The following TLL2 variants were observed in gnomAD, a reference collection of about 807,000 sequenced individuals.
TLL2 encodes the protein tolloid like 2.
TLL2 carries 106 observed loss-of-function variants against 123.0 expected under a neutral mutation model. The observed-to-expected ratio is 0.86, with a 90% CI of 0.74 to 1.01. The LOEUF (loss-of-function observed/expected upper bound fraction) is 1.01. TLL2 is among the 50% of genes least tolerant of loss of function. TLL2 has a pLI of 0.00. For missense variants in TLL2, 1,332 were observed against 1,336.7 expected, an observed-to-expected ratio of 1.00 and a Z score of 0.06; for synonymous variants, 494 against 516.8, an observed-to-expected ratio of 0.96 and a Z score of 0.60.
At chr10:96,478,147 T>C (rs1847278270) in intron 2 of TLL2, among the ~76,000 whole-genome samples, 1 of 152,180 alleles carries the variant, frequency 6.6e-6, no homozygotes, top group Non-Finnish European at 1.5e-5. Flanking sequence ...AGCAGCCGGG[T>C]ATGCAGCTGG....
At chr10:96,428,791 T>C (rs142929794) in intron 4 of TLL2, 43 bp from the exon 5 acceptor site, 11 of 1,312,810 alleles carry the variant, frequency 8.4e-6, no homozygotes, top group African/African-American at 6.0e-5. Context: ...GATGGGTCCA[T>C]ATTTTCTTTA....
chr10:96,421,754 T>C (rs1365144289), intron 6 of TLL2, among the ~76,000 whole-genome samples: 1 of 150,630 alleles, frequency 6.6e-6, no homozygotes, highest in Non-Finnish European at 1.5e-5. Flanking sequence ...GGAGAATCCC[T>C]TGAACCCAGG....
rs762545708 is a variant in TLL2, at chr10:96,395,371, G to A, written c.1542C>T (p.His514=). 5 of 1,590,164 alleles carry A rather than the reference G, an allele frequency of 3.1e-6. No homozygotes were observed. The highest frequency in any genetic ancestry group is 4.3e-6 in the Non-Finnish European group (5 of 1,168,230). The part of the protein sequence containing the change: ...LTFQAFEIER[H]DSCAYDYLEV... ...CCAGGTAGTCATATGCACAGCTGTC[G>A]TGCCTTTCAATCTAAAGGAAGAAAC... Residue 514 remains histidine, a synonymous_variant, in exon 13 of 21, where the codon CAC becomes CAT. Coordinates refer to ENST00000357947, the MANE Select transcript of TLL2 (RefSeq NM_012465.4).
intron 1 of TLL2, among the ~76,000 whole-genome samples, chr10:96,498,207 C>T (rs1463652176): frequency 6.6e-6 from 1 of 152,128 alleles, no homozygotes; most frequent in East Asian, 1.9e-4. Flanking sequence ...GACCCTAAGT[C>T]GCAGAGGATG....
chr10:96,452,394 G>A (rs1846969614), intron 2 of TLL2, among the ~76,000 whole-genome samples: 1 of 152,158 alleles, frequency 6.6e-6, no homozygotes, highest in African/African-American at 2.4e-5. Context: ...GCTGGAGCTG[G>A]GGCTGGCGAG....
intron 19 of TLL2, among the ~76,000 whole-genome samples, chr10:96,372,129 G>T (rs1162478227): frequency 2.0e-5 from 3 of 152,186 alleles, no homozygotes; most frequent in South Asian, 2.1e-4. Flanking sequence ...GTCTCTATCT[G>T]CAGGGACAAG....
At chr10:96,436,614 C>A (rs1454609749) in intron 3 of TLL2, among the ~76,000 whole-genome samples, 1 of 152,012 alleles carries the variant, frequency 6.6e-6, no homozygotes, top group Non-Finnish European at 1.5e-5. Flanking sequence ...TTTCTTTTAT[C>A]ATTAATAATC....
intron 11 of TLL2, among the ~76,000 whole-genome samples, chr10:96,396,870 A>G (rs1327631030): frequency 6.6e-6 from 1 of 152,198 alleles, no homozygotes; most frequent in African/African-American, 2.4e-5. Context: ...AGAGGCTGCT[A>G]TCATTTCCAC....
intron 7 of TLL2, among the ~76,000 whole-genome samples, chr10:96,416,770 C>G (rs1435226652): frequency 6.6e-6 from 1 of 152,224 alleles, no homozygotes; most frequent in Non-Finnish European, 1.5e-5. Flanking sequence ...ACTACAAGAG[C>G]CGTCCCCTGT....
At chr10:96,423,533 A>T (rs1589419088) in intron 5 of TLL2, among the ~76,000 whole-genome samples, 1 of 152,180 alleles carries the variant, frequency 6.6e-6, no homozygotes, top group Admixed American at 6.5e-5. Flanking sequence ...TTATTTCATC[A>T]GTCTTCTATT....
Position 96,466,235 on chromosome 10 carries a change from G to A in TLL2, c.286+14114C>T, listed in dbSNP as rs555305711. ...CCAGCTCAGTGCCAAGGCCAGCTGG[G>A]CCTTTCCTCAGTGTTTGTGGGCAAA... On this transcript the variant is annotated intron_variant, in intron 2 of 20. Transcript: ENST00000357947. 9.8e-4 allele frequency among the ~76,000 whole-genome samples: 149 copies of A among 152,316 alleles called. No individual in the cohort carries two copies. The South Asian group carries it at 0.012, about 13-fold the overall frequency.
intron 16 of TLL2, among the ~76,000 whole-genome samples, chr10:96,380,403 A>G (rs1334943224): frequency 1.3e-5 from 2 of 152,132 alleles, no homozygotes; most frequent in African/African-American, 4.8e-5. Flanking sequence ...TATCAGGACA[A>G]CTAAGAGCCC....
chr10:96,417,512 A>G (rs1846574458), intron 7 of TLL2, among the ~76,000 whole-genome samples: 1 of 152,204 alleles, frequency 6.6e-6, no homozygotes, highest in Admixed American at 6.5e-5. Flanking sequence ...TAAGAGGTGG[A>G]GTCTATTTCT....
intron 5 of TLL2, among the ~76,000 whole-genome samples, chr10:96,428,293 A>G (rs1280063250): frequency 3.9e-5 from 6 of 152,234 alleles, no homozygotes; most frequent in Admixed American, 3.3e-4. Context: ...ATTCTTGAAG[A>G]AGGAAAGCCC....
Position 96,459,693 on chromosome 10 carries a change from AAAAAAAAAAAAAATATATAT to A in TLL2, c.287-13545_287-13526del, listed in dbSNP as rs1564911541. On this transcript the variant is annotated intron_variant, in intron 2 of 20. Coordinates refer to ENST00000357947, the MANE Select transcript of TLL2 (RefSeq NM_012465.4). Reference sequence around the variant, plus strand: ...TCAAAAAAAAAAAAAAAAAAAAAAAAAAAAAAAAAAAAATATATATATATATATATATATATATAGCAGCT... The same window carrying A: ...TCAAAAAAAAAAAAAAAAAAAAAAAAATATATATATATATATATAGCAGCT... 2.2e-4 allele frequency among the ~76,000 whole-genome samples: 13 copies of A among 58,670 alleles called. No homozygotes were observed. The South Asian group carries it at 4.8e-3, about 22-fold the overall frequency. 38.5% of individuals were successfully genotyped at this position (58,670 alleles called of 152,430 possible).
At chr10:96,449,097 G>A (rs568773545) in intron 2 of TLL2, among the ~76,000 whole-genome samples, 1 of 152,336 alleles carries the variant, frequency 6.6e-6, no homozygotes, top group South Asian at 2.1e-4. Flanking sequence ...ACAGTGCCAA[G>A]TGCTTTTCCT....
At chr10:96,401,934 C>T (rs1846401257) in intron 10 of TLL2, among the ~76,000 whole-genome samples, 2 of 152,204 alleles carry the variant, frequency 1.3e-5, no homozygotes, top group Admixed American at 6.5e-5. Context: ...ATCTGGCACC[C>T]CTTGGGTTCA....
intron 7 of TLL2, among the ~76,000 whole-genome samples, chr10:96,415,618 G>C (rs935508624): frequency 3.3e-5 from 5 of 149,838 alleles, no homozygotes; most frequent in African/African-American, 1.2e-4. Flanking sequence ...TATGCAATCA[G>C]GATAAAGCAC....
At position 96,370,155 on chromosome 10, in the gene TLL2, C is replaced by G; in HGVS notation, c.2823G>C (p.Glu941Asp). 2 of 1,614,138 alleles carry G rather than the reference C, an allele frequency of 1.2e-6. No homozygotes were observed. Among genetic ancestry groups the G allele is most frequent in the East Asian group, 4.5e-5 (2 of 44,886 alleles). The change falls in exon 20 of 21, where the codon GAG becomes GAC. Residue 941 changes from glutamate to aspartate, a missense_variant. Coordinates refer to ENST00000357947, the MANE Select transcript of TLL2 (RefSeq NM_012465.4). ...VELTFRTFEV[E>D]EEADCGYDYM... Reference sequence around the variant, plus strand: ...AGTCGTAGCCGCAGTCGGCCTCCTCCTCAACCTCAAAGGTCCGGAATGTCA... The same window carrying G: ...AGTCGTAGCCGCAGTCGGCCTCCTCGTCAACCTCAAAGGTCCGGAATGTCA...
Sources: allele counts gnomAD v4.1 joint callset (sites outside exome capture counted in the v4.1 genomes callset), GRCh38; gene constraint gnomAD v4.1.1; transcripts MANE v1.5; gene names NCBI Gene and HGNC (gene_info 2026-07-23, HGNC 2026-07-21).